MID1: variants seen among roughly 807,000 people sequenced by gnomAD.
The protein encoded by MID1 is E3 ubiquitin-protein ligase Midline-1.
In MID1, 7 loss-of-function variants were observed where a neutral mutation model predicts 40.4. The observed-to-expected ratio is 0.17, with a 90% confidence interval of 0.10 to 0.33. MID1 has a LOEUF of 0.33. Ranked by LOEUF, MID1 falls within the 10% of genes least tolerant of loss-of-function variation. The pLI is 1.00. For missense variants in MID1, 367 were observed against 558.5 expected, an observed-to-expected ratio of 0.66 and a Z score of 3.46; for synonymous variants, 229 against 221.2, an observed-to-expected ratio of 1.04 and a Z score of -0.31.
chrX:10,766,087 C>T (rs2043726809), intron 1 of MID1, among the ~76,000 whole-genome samples: 1 of 111,341 alleles, frequency 9.0e-6, no homozygotes, highest in African/African-American at 3.3e-5. Context: ...TACACTCAAA[C>T]ACCCAAGGGG....
intron 1 of MID1, among the ~76,000 whole-genome samples, chrX:10,815,476 C>A (rs1367698685): frequency 8.9e-6 from 1 of 112,653 alleles, no homozygotes; most frequent in African/African-American, 3.2e-5. Flanking sequence ...ATGTCATGAG[C>A]TCACATGTCC....
At chrX:10,534,248 G>T (rs903200099) in intron 2 of MID1, among the ~76,000 whole-genome samples, 61 of 111,484 alleles carry the variant, frequency 5.5e-4, no homozygotes, top group African/African-American at 1.8e-3. Context: ...AACATGTTCT[G>T]GTCTTCCTAC....
intron 1 of MID1, among the ~76,000 whole-genome samples, chrX:10,663,152 G>A (rs1228871315): frequency 9.1e-6 from 1 of 110,407 alleles, no homozygotes; most frequent in Non-Finnish European, 1.9e-5. Context: ...ACCACACAAT[G>A]TACCCATCTA....
At chrX:10,602,225 C>CTTTTTTTTTTTTTTTTT (rs56897260) in intron 1 of MID1, among the ~76,000 whole-genome samples, 1 of 83,557 alleles carries the variant, frequency 1.2e-5, no homozygotes, top group African/African-American at 4.9e-5. Flanking sequence ...TAGTTTCTGA[C>CTTTTTTTTTTTTTTTTT]TTTTTTTTTT....
chrX:10,449,316 A>G lies in MID1; in HGVS notation c.*52T>C, dbSNP rs1189068806. 1 of 1,033,250 alleles carries G rather than the reference A, an allele frequency of 9.7e-7. No individual in the cohort carries two copies. Among genetic ancestry groups the G allele is most frequent in the Non-Finnish European group, 1.3e-6 (1 of 741,552 alleles). 85.2% of individuals were successfully genotyped at this position (1,033,250 alleles called of 1,213,427 possible). Reference sequence around the variant, plus strand: ...CCTGTGCTTTCTCAGTCCCCTAAATAGTGGCCTGAACCTTACTGTTCCCCA... The same window carrying G: ...CCTGTGCTTTCTCAGTCCCCTAAATGGTGGCCTGAACCTTACTGTTCCCCA... On this transcript the variant is annotated 3_prime_UTR_variant, in exon 10 of 10. Coordinates refer to ENST00000317552, the MANE Select transcript of MID1 (RefSeq NM_000381.4).
At position 10,453,559 on chromosome X, in the gene MID1, G is replaced by A. The variant is rs776711953; in HGVS notation, c.1655+1311C>T. ...GCAGCATACCATGGTGGTTAAGAGC[G>A]GGGAACAGCAAACTACTACCCAGGG... is the stretch of plus-strand genomic sequence containing the variant. On this transcript the variant is annotated intron_variant, in intron 9 of 9. Transcript: ENST00000317552. 1.6e-4 allele frequency among the ~76,000 whole-genome samples: 18 copies of A among 111,807 alleles called. No individual in the cohort carries two copies. The South Asian group carries it at 4.5e-3, about 28-fold the overall frequency.
At chrX:10,788,022 GTTATACC>G (rs1286677024) in intron 1 of MID1, among the ~76,000 whole-genome samples, 4 of 111,035 alleles carry the variant, frequency 3.6e-5, no homozygotes, top group Non-Finnish European at 7.5e-5. Flanking sequence ...ATTCAGGCAT[GTTATACC>G]TTTTGGCTGA....
chrX:10,799,169 C>A (rs1301611365), intron 1 of MID1, among the ~76,000 whole-genome samples: 9 of 111,738 alleles, frequency 8.1e-5, no homozygotes. Context: ...GCCACCAGTG[C>A]TAATATTACT....
At chrX:10,753,550 C>T (rs1459267723) in intron 1 of MID1, among the ~76,000 whole-genome samples, 1 of 108,104 alleles carries the variant, frequency 9.3e-6, no homozygotes, top group Non-Finnish European at 1.9e-5. Context: ...TCATTAGACA[C>T]ATCCAGTGCA....
intron 1 of MID1, among the ~76,000 whole-genome samples, chrX:10,606,442 T>C (rs1440321481): frequency 9.0e-6 from 1 of 111,503 alleles, no homozygotes; most frequent in Non-Finnish European, 1.9e-5. Flanking sequence ...AACACTATCA[T>C]ATTTTCCTTT....
chrX:10,605,574 A>G (rs1393877110), intron 1 of MID1, among the ~76,000 whole-genome samples: 1 of 112,040 alleles, frequency 8.9e-6, no homozygotes, highest in Non-Finnish European at 1.9e-5. Flanking sequence ...TTATGGCTAT[A>G]ATGTTTCTTC....
At chrX:10,459,024 C>A (rs190768692) in intron 8 of MID1, among the ~76,000 whole-genome samples, 1 of 111,737 alleles carries the variant, frequency 8.9e-6, no homozygotes, top group East Asian at 2.8e-4. Context: ...ATGAGACACA[C>A]ATATAGGCCA....
chrX:10,624,446 ACTATTTAATAATT>A (rs1935974828), upstream of MID1, among the ~76,000 whole-genome samples: 1 of 111,816 alleles, frequency 8.9e-6, no homozygotes, highest in South Asian at 3.7e-4. Context: ...ATTAAACCTT[ACTATTTAATAATT>A]CTATGCTTTT....
rs1447970553 is a variant in MID1 at position 10,494,675 on chromosome X, A to G, written c.864+909T>C. Among the ~76,000 whole-genome samples, 3 of 107,801 alleles carry G rather than the reference A, an allele frequency of 2.8e-5. No individual in the cohort carries two copies. In the East Asian group the frequency reaches 8.7e-4, roughly 31 times the overall value. 93.6% of individuals were successfully genotyped at this position (107,801 alleles called of 115,157 possible). On this transcript the variant is annotated intron_variant, in intron 4 of 9. Coordinates refer to ENST00000317552, the MANE Select transcript of MID1 (RefSeq NM_000381.4). ...TGTAGTCCCAGCTACTCAGGAGGCT[A>G]AGGCAGGAGGATTGTCTGAGCCCGG...
intron 3 of MID1, among the ~76,000 whole-genome samples, chrX:10,497,992 T>C (rs1931347116): frequency 8.9e-6 from 1 of 112,610 alleles, no homozygotes; most frequent in Non-Finnish European, 1.9e-5. Flanking sequence ...GAGCAAGTAG[T>C]TATCACTAGT....
chrX:10,746,613 A>G (rs2043558801), intron 1 of MID1, among the ~76,000 whole-genome samples: 1 of 111,107 alleles, frequency 9.0e-6, no homozygotes, highest in African/African-American at 3.3e-5. Context: ...GTTTCCCATT[A>G]TAGACTCCTT....
chrX:10,699,219 C>T (rs2043179915), intron 1 of MID1, among the ~76,000 whole-genome samples: 1 of 111,237 alleles, frequency 9.0e-6, no homozygotes, highest in African/African-American at 3.3e-5. Context: ...TGATTTTTTT[C>T]CTTCTCAACA....
At chrX:10,628,639 T>C (rs1470815559) in intron 1 of MID1, among the ~76,000 whole-genome samples, 3 of 111,909 alleles carry the variant, frequency 2.7e-5, no homozygotes, top group Non-Finnish European at 3.8e-5. Flanking sequence ...GGTGGACTTT[T>C]CTTCAACTGG....
intron 1 of MID1, among the ~76,000 whole-genome samples, chrX:10,813,690 G>A (rs1295524115): frequency 1.8e-5 from 2 of 111,088 alleles, no homozygotes; most frequent in African/African-American, 6.6e-5. Flanking sequence ...TTGTACTCAG[G>A]GCATTTTCCT....
Sources: gnomAD v4.1 joint callset for allele counts (sites outside exome capture counted in the v4.1 genomes callset) on GRCh38, gnomAD v4.1.1 for gene constraint, MANE v1.5 for transcripts, NCBI Gene and HGNC (gene_info 2026-07-23, HGNC 2026-07-21) for gene names.